The following DLG2 variants were observed in gnomAD, a reference collection of about 807,000 sequenced individuals.
DLG2 encodes discs large MAGUK scaffold protein 2.
DLG2 carries 45 observed loss-of-function variants against 132.5 expected under a neutral mutation model. That is an observed-to-expected ratio of 0.34 (90% CI 0.27 to 0.44). The LOEUF (loss-of-function observed/expected upper bound fraction) is 0.44, where lower values mean the gene tolerates loss of function less well. Among genes scored for constraint, DLG2 ranks in the 20% least tolerant of loss-of-function variants. The pLI, the probability that DLG2 is intolerant of heterozygous loss-of-function variation, is 1.00. For synonymous variants in DLG2, 424 were observed against 419.6 expected (o/e 1.01, Z -0.13); for missense variants, 1,045 against 1,196.9 (o/e 0.87, Z 1.87).
chr11:84,654,769 C>A (rs1306543285), intron 6 of DLG2, among the ~76,000 whole-genome samples: 1 of 152,192 alleles, frequency 6.6e-6, no homozygotes, highest in African/African-American at 2.4e-5. Flanking sequence ...TCATCACATT[C>A]ATTCCCTTAC....
At chr11:85,599,443 T>A (rs1305867938) in intron 2 of DLG2, among the ~76,000 whole-genome samples, 1 of 152,128 alleles carries the variant, frequency 6.6e-6, no homozygotes, top group East Asian at 1.9e-4. Flanking sequence ...TATACCACTG[T>A]ATATACTCCC....
intron 6 of DLG2, among the ~76,000 whole-genome samples, chr11:84,961,527 TGTGTG>T (rs1291212566): frequency 8.0e-5 from 1 of 12,560 alleles, no homozygotes; most frequent in Non-Finnish European, 1.2e-4. Context: ...ATTGTATCTT[TGTGTG>T]TGTGTGTGTG....
intron 6 of DLG2, among the ~76,000 whole-genome samples, chr11:84,793,272 A>G (rs2074127233): frequency 6.6e-6 from 1 of 152,180 alleles, no homozygotes; most frequent in African/African-American, 2.4e-5. Context: ...AGAGAAGATG[A>G]ATACTATTAT....
At chr11:83,740,973 T>C (rs1246281388) in intron 18 of DLG2, among the ~76,000 whole-genome samples, 1 of 152,138 alleles carries the variant, frequency 6.6e-6, no homozygotes, top group Admixed American at 6.6e-5. Flanking sequence ...AAGTAGGCAT[T>C]TTCCTGCGAG....
intron 7 of DLG2, among the ~76,000 whole-genome samples, chr11:84,461,198 T>A (rs2099079248): frequency 1.3e-5 from 2 of 150,926 alleles, no homozygotes; most frequent in Admixed American, 1.3e-4. Context: ...CTTCCAAGCC[T>A]ATACCATGTG....
intron 3 of DLG2, among the ~76,000 whole-genome samples, chr11:85,515,632 T>C (rs2094155407): frequency 1.3e-5 from 2 of 152,014 alleles, no homozygotes; most frequent in Non-Finnish European, 2.9e-5. Context: ...GTCTTTCTTG[T>C]GTTCACTCTC....
intron 8 of DLG2, among the ~76,000 whole-genome samples, chr11:84,172,018 T>A (rs2095835818): frequency 6.6e-6 from 1 of 152,170 alleles, no homozygotes; most frequent in Non-Finnish European, 1.5e-5. Flanking sequence ...GATTGTGGAA[T>A]CTAAAAGACC....
At chr11:84,196,479 A>C (rs945982673) in intron 8 of DLG2, among the ~76,000 whole-genome samples, 8 of 152,226 alleles carry the variant, frequency 5.3e-5, no homozygotes, top group Admixed American at 2.6e-4. Flanking sequence ...AAAAAGAAGA[A>C]ATACTACTGA....
At chr11:83,932,237 ATTT>A (rs199866110) in intron 14 of DLG2, among the ~76,000 whole-genome samples, 3 of 142,586 alleles carry the variant, frequency 2.1e-5, no homozygotes, top group Non-Finnish European at 4.6e-5. Context: ...ACATTTGAAG[ATTT>A]TTTTTTTTTT....
At chr11:84,013,212 T>C (rs766978195) in intron 11 of DLG2, among the ~76,000 whole-genome samples, 2 of 152,160 alleles carry the variant, frequency 1.3e-5, no homozygotes, top group Non-Finnish European at 2.9e-5. Context: ...AGCAGAGATT[T>C]TGAAGCCAGC....
chr11:83,565,202 A>G (rs683125), intron 19 of DLG2, among the ~76,000 whole-genome samples: 47,364 of 151,890 alleles, frequency 0.31, 8,461 homozygotes, highest in Admixed American at 0.47. Flanking sequence ...TAATATGACC[A>G]TTGTGCTGGA....
At position 84,364,405 on chromosome 11, in the gene DLG2, T is replaced by C. The variant is rs1289833052; in HGVS notation, c.520-113114A>G. Among the ~76,000 whole-genome samples, 3 of 152,268 alleles carry C rather than the reference T, an allele frequency of 2.0e-5. No homozygotes were observed. In the East Asian group the frequency reaches 5.8e-4, roughly 29 times the overall value. ...AAGTTGCTTATCAGCTTAAGGAGAT[T>C]TTGGGCTGAGACGATGGGGTTTTCT... On this transcript the variant is annotated intron_variant, in intron 7 of 27. Transcript: ENST00000376104.
At chr11:85,120,780 CT>C (rs753342986) in intron 5 of DLG2, among the ~76,000 whole-genome samples, 159 of 152,082 alleles carry the variant, frequency 1.0e-3, no homozygotes, top group Non-Finnish European at 1.8e-3. Flanking sequence ...TGAAATTTGA[CT>C]TTTGGATATT....
At chr11:84,974,111 G>C (rs1051966391) in intron 6 of DLG2, among the ~76,000 whole-genome samples, 2 of 152,266 alleles carry the variant, frequency 1.3e-5, no homozygotes, top group African/African-American at 4.8e-5. Context: ...GAAAGCCAAG[G>C]GTGCAGGTTG....
chr11:83,563,039 A>G (rs951492884), intron 19 of DLG2, among the ~76,000 whole-genome samples: 7 of 133,926 alleles, frequency 5.2e-5, no homozygotes, highest in African/African-American at 1.7e-4. Context: ...CAGTGGCTCG[A>G]TCTTTGCTCA....
intron 18 of DLG2, among the ~76,000 whole-genome samples, chr11:83,735,395 T>C (rs2091764698): frequency 6.6e-6 from 1 of 152,278 alleles, no homozygotes; most frequent in East Asian, 1.9e-4. Flanking sequence ...TCCTCCCAGT[T>C]TGGGGGCAAG....
chr11:84,993,862 C>T (rs1377611868), intron 6 of DLG2, among the ~76,000 whole-genome samples: 3 of 152,112 alleles, frequency 2.0e-5, no homozygotes, highest in African/African-American at 4.8e-5. Context: ...TATCAGTGTA[C>T]GTTTATTCAT....
At chr11:84,344,821 G>A (rs2098531953) in intron 7 of DLG2, among the ~76,000 whole-genome samples, 1 of 152,030 alleles carries the variant, frequency 6.6e-6, no homozygotes, top group African/African-American at 2.4e-5. Flanking sequence ...CATCAGAAAG[G>A]CAATTTCACA....
At chr11:84,357,950 T>G (rs1011519540) in intron 7 of DLG2, among the ~76,000 whole-genome samples, 8 of 151,936 alleles carry the variant, frequency 5.3e-5, no homozygotes, top group Non-Finnish European at 1.0e-4. Context: ...AACATTGGTA[T>G]ATATACCTAC....
Sources: allele counts gnomAD v4.1 joint callset (sites outside exome capture counted in the v4.1 genomes callset), GRCh38; gene constraint gnomAD v4.1.1; transcripts MANE v1.5; gene names NCBI Gene and HGNC (gene_info 2026-07-23, HGNC 2026-07-21).